ZNF423: variants seen among roughly 807,000 people sequenced by gnomAD.
ZNF423 encodes zinc finger protein 423.
In ZNF423, 12 loss-of-function variants were observed where a neutral mutation model predicts 95.8. The ratio of observed to expected loss-of-function variants is 0.13; its 90% confidence interval spans 0.08 to 0.20. The LOEUF (loss-of-function observed/expected upper bound fraction) is 0.20. Ranked by LOEUF, ZNF423 falls within the 10% of genes least tolerant of loss-of-function variation. The probability of loss-of-function intolerance (pLI) is 1.00; values close to 1 mark genes in which losing one functional copy is unlikely to be tolerated. For synonymous variants in ZNF423, 749 were observed against 711.9 expected (o/e 1.05, Z -0.83); for missense variants, 1,316 against 1,737.1 (o/e 0.76, Z 4.31).
intron 3 of ZNF423, among the ~76,000 whole-genome samples, chr16:49,662,870 G>C (rs545735352): frequency 6.6e-6 from 1 of 152,226 alleles, no homozygotes; most frequent in Non-Finnish European, 1.5e-5. Context: ...AGATGCCCAC[G>C]TGGGGCTCAG....
At chr16:49,762,982 C>A (rs1596981119) in intron 2 of ZNF423, among the ~76,000 whole-genome samples, 1 of 152,268 alleles carries the variant, frequency 6.6e-6, no homozygotes, top group East Asian at 1.9e-4. Context: ...ATCCTCTCAC[C>A]TCAGCCTCCT....
chr16:49,546,502 C>T (rs1481809114), intron 5 of ZNF423, among the ~76,000 whole-genome samples: 1 of 152,144 alleles, frequency 6.6e-6, no homozygotes, highest in African/African-American at 2.4e-5. Context: ...AATGGCCAGT[C>T]CCCATCCTAA....
intron 2 of ZNF423, among the ~76,000 whole-genome samples, chr16:49,768,136 C>T (rs1309856454): frequency 6.6e-6 from 1 of 152,230 alleles, no homozygotes; most frequent in Non-Finnish European, 1.5e-5. Context: ...GCAATTTCAG[C>T]GCTGAGGGCT....
intron 3 of ZNF423, among the ~76,000 whole-genome samples, chr16:49,694,451 A>G (rs528973461): frequency 1.3e-5 from 2 of 152,294 alleles, no homozygotes; most frequent in South Asian, 4.1e-4. Context: ...AGCTACACAC[A>G]TGATTTTGTG....
intron 5 of ZNF423, among the ~76,000 whole-genome samples, chr16:49,560,733 G>A (rs1193641339): frequency 2.0e-5 from 3 of 152,184 alleles, no homozygotes. Context: ...GCCACAGTGT[G>A]CAAACTCGGT....
intron 2 of ZNF423, among the ~76,000 whole-genome samples, chr16:49,785,893 G>C (rs1414842147): frequency 6.6e-6 from 1 of 152,252 alleles, no homozygotes; most frequent in East Asian, 1.9e-4. Context: ...AGGAGAAGAA[G>C]AATGACCCAC....
intron 3 of ZNF423, among the ~76,000 whole-genome samples, chr16:49,706,134 G>A (rs974471252): frequency 1.3e-5 from 2 of 152,052 alleles, no homozygotes; most frequent in African/African-American, 4.8e-5. Context: ...TGGAAAATAG[G>A]GCCAGACATG....
intron 2 of ZNF423, among the ~76,000 whole-genome samples, chr16:49,766,952 C>CA (rs1555483758): frequency 6.6e-6 from 1 of 151,066 alleles, no homozygotes; most frequent in Admixed American, 6.6e-5. Context: ...GAACCCAATT[C>CA]TTTTTTTTTC....
chr16:49,682,207 G>A (rs1318486125), intron 3 of ZNF423, among the ~76,000 whole-genome samples: 2 of 151,822 alleles, frequency 1.3e-5, no homozygotes, highest in East Asian at 3.9e-4. Flanking sequence ...CCTGTCTTCA[G>A]CCTTCCTCCT....
intron 2 of ZNF423, among the ~76,000 whole-genome samples, chr16:49,746,345 C>T (rs1020778874): frequency 6.6e-6 from 1 of 152,014 alleles, no homozygotes; most frequent in Non-Finnish European, 1.5e-5. Flanking sequence ...TTGGACTCAT[C>T]GAGCCTCAGC....
Position 49,489,257 on chromosome 16 carries a change from C to A in ZNF423, c.*2018G>T, listed in dbSNP as rs1246983194. On this transcript the variant is annotated 3_prime_UTR_variant, in exon 8 of 8. Transcript: ENST00000563137. ...AGGCCCCGGGACATACTGGTCCCAT[C>A]GACAGTCCCAGCACTGCCCAAAAGG... 6.6e-6 allele frequency: 1 copy of A among 152,228 alleles called. No homozygotes were observed. Among genetic ancestry groups the A allele is most frequent in the Admixed American group, 6.5e-5 (1 of 15,286 alleles). The allele number at this position is 152,228 out of a possible 1,614,324, so 9.4% of individuals were successfully genotyped here.
In ZNF423 at chr16:49,638,674, G is replaced by C; in HGVS notation, c.502C>G (p.His168Asp). 6.2e-7 allele frequency: 1 copy of C among 1,614,086 alleles called. No homozygotes were observed. The highest frequency in any genetic ancestry group is 8.5e-7 in the Non-Finnish European group (1 of 1,180,026). ...CACTTGAACGGCAGCTTGTCGCTGT[G>C]GATCTGCTCGTGCCTCTTCAAGTAG... ...LSYLKRHEQI[H>D]SDKLPFKCTY... Residue 168 changes from histidine to aspartate, a missense_variant, in exon 4 of 8, where the codon CAC becomes GAC. Transcript: ENST00000563137. This position sits in a 1 kb window ranked among gnomAD's most constrained non-coding sequence, Gnocchi z 5.6.
intron 5 of ZNF423, among the ~76,000 whole-genome samples, chr16:49,553,790 G>A (rs561574332): frequency 1.8e-4 from 27 of 152,236 alleles, no homozygotes; most frequent in Non-Finnish European, 2.4e-4. Context: ...ATGAAATAAC[G>A]TCTTTCCCTG....
chr16:49,642,771 G>A (rs79586604), intron 3 of ZNF423, among the ~76,000 whole-genome samples: 4,903 of 151,920 alleles, frequency 0.032, 112 homozygotes, highest in Non-Finnish European at 0.045. Flanking sequence ...GTATCTACAG[G>A]GGCGTCAGCA....
At chr16:49,518,192 T>G in intron 7 of ZNF423, 2 of 382,472 alleles carry the variant, frequency 5.2e-6, no homozygotes, top group Non-Finnish European at 1.0e-5. Flanking sequence ...ATAACCTGTG[T>G]TGACCACATG....
At chr16:49,657,784 G>T (rs2029963859) in intron 3 of ZNF423, among the ~76,000 whole-genome samples, 1 of 152,208 alleles carries the variant, frequency 6.6e-6, no homozygotes, top group Admixed American at 6.5e-5. Context: ...CCTTGCTTCA[G>T]GCTCTGTGTT....
At chr16:49,671,634 G>C (rs190257273) in intron 3 of ZNF423, among the ~76,000 whole-genome samples, 1 of 152,334 alleles carries the variant, frequency 6.6e-6, no homozygotes, top group Non-Finnish European at 1.5e-5. Context: ...CCTAATGTCT[G>C]CTGAGCAATT....
Position 49,636,829 on chromosome 16 carries a change from C to T in ZNF423, c.2347G>A (p.Gly783Ser), listed in dbSNP as rs1972740419. 1 of 1,614,100 alleles carries T rather than the reference C, an allele frequency of 6.2e-7. No homozygotes were observed. The highest frequency in any genetic ancestry group is 1.7e-5 in the Admixed American group (1 of 60,018). ...LQVHVKHSHL[G>S]NPAKAHKCIF... ...CACTTGTGAGCCTTGGCCGGGTTGC[C>T]CAGGTGGCTGTGTTTGACGTGCACC... is the stretch of plus-strand genomic sequence containing the variant. Residue 783 changes from glycine to serine, a missense_variant, in exon 4 of 8, where the codon GGC becomes AGC. Gly to Ser is a moderately conservative substitution (Grantham distance 56). Transcript: ENST00000563137. The surrounding 1 kb of genome is among the most constrained non-coding windows in gnomAD (Gnocchi z 8.6).
At chr16:49,555,903 T>G (rs1969809267) in intron 5 of ZNF423, among the ~76,000 whole-genome samples, 1 of 151,928 alleles carries the variant, frequency 6.6e-6, no homozygotes, top group Non-Finnish European at 1.5e-5. Context: ...GGATGTCAGG[T>G]GGATAATAGT....
Sources: allele counts gnomAD v4.1 joint callset (sites outside exome capture counted in the v4.1 genomes callset), GRCh38; gene constraint gnomAD v4.1.1; non-coding constraint Gnocchi (gnomAD v3.1); transcripts MANE v1.5; gene names NCBI Gene and HGNC (gene_info 2026-07-23, HGNC 2026-07-21).